Variants in INPP4B observed in about 807,000 individuals in gnomAD.
INPP4B encodes the protein inositol polyphosphate 4-phosphatase type II.
INPP4B carries 55 observed loss-of-function variants against 122.5 expected under a neutral mutation model. The observed-to-expected ratio is 0.45, with a 90% CI of 0.36 to 0.56. The LOEUF (loss-of-function observed/expected upper bound fraction) is 0.56. INPP4B is among the 20% of genes least tolerant of loss of function. The pLI, the probability that INPP4B is intolerant of heterozygous loss-of-function variation, is 0.00. For synonymous variants in INPP4B, 403 were observed against 388.7 expected (o/e 1.04, Z -0.43); for missense variants, 1,000 against 1,097.7 (o/e 0.91, Z 1.26).
rs754684710 is a variant in INPP4B at position 142,307,743 on chromosome 4, T to A, written c.424-2206A>T. Among the ~76,000 whole-genome samples the A allele has an allele frequency of 5.9e-5, 9 of 152,336 alleles. No individual in the cohort carries two copies. The South Asian group carries it at 1.9e-3, about 32-fold the overall frequency. Reference sequence around the variant, plus strand: ...TGATAATCATAGCTTTTAAATTAAATTCCCACTCATTATTCACACTCAAAG... The same window carrying A: ...TGATAATCATAGCTTTTAAATTAAAATCCCACTCATTATTCACACTCAAAG... On this transcript the variant is annotated intron_variant, in intron 8 of 25. Transcript: ENST00000262992.
intron 2 of INPP4B, among the ~76,000 whole-genome samples, chr4:142,649,663 GAAGAA>G (rs1054731046): frequency 6.6e-6 from 1 of 152,142 alleles, no homozygotes; most frequent in Non-Finnish European, 1.5e-5. Context: ...AAAGGTTAGA[GAAGAA>G]AAGAGTAAAA....
chr4:142,436,364 G>C (rs1401802372), intron 3 of INPP4B, among the ~76,000 whole-genome samples: 3 of 152,170 alleles, frequency 2.0e-5, no homozygotes, highest in African/African-American at 7.2e-5. Flanking sequence ...CAGAAGAGCA[G>C]GTTTCCCTCC....
At chr4:142,700,440 A>G (rs1185181098) in intron 2 of INPP4B, among the ~76,000 whole-genome samples, 1 of 152,124 alleles carries the variant, frequency 6.6e-6, no homozygotes, top group African/African-American at 2.4e-5. Context: ...CTTCAACTCA[A>G]TCTATAGGAA....
At chr4:142,618,265 T>C (rs546024983) in intron 2 of INPP4B, among the ~76,000 whole-genome samples, 1 of 152,052 alleles carries the variant, frequency 6.6e-6, no homozygotes, top group East Asian at 1.9e-4. Flanking sequence ...ACAAAAGACC[T>C]TGAATAGCCA....
At chr4:142,345,560 C>A (rs774504095) in intron 7 of INPP4B, among the ~76,000 whole-genome samples, 5 of 151,966 alleles carry the variant, frequency 3.3e-5, no homozygotes, top group Non-Finnish European at 7.4e-5. Context: ...GAATAGTACA[C>A]ATGGACACAA....
intron 9 of INPP4B, among the ~76,000 whole-genome samples, chr4:142,274,085 A>C (rs1253876201): frequency 6.6e-6 from 1 of 151,886 alleles, no homozygotes; most frequent in Non-Finnish European, 1.5e-5. Context: ...AAAATTCTTA[A>C]ATGCTAAATT....
At chr4:142,122,892 G>T (rs1223398413) in intron 20 of INPP4B, among the ~76,000 whole-genome samples, 1 of 151,692 alleles carries the variant, frequency 6.6e-6, no homozygotes, top group Non-Finnish European at 1.5e-5. Flanking sequence ...TTTGAAATCT[G>T]GTATGCATAT....
At chr4:142,658,537 T>C (rs1450294564) in intron 2 of INPP4B, among the ~76,000 whole-genome samples, 1 of 152,250 alleles carries the variant, frequency 6.6e-6, no homozygotes, top group Admixed American at 6.5e-5. Context: ...ATGGAGCATG[T>C]TTGTTTGTCT....
chr4:142,410,958 TA>T (rs1333115199), intron 5 of INPP4B, among the ~76,000 whole-genome samples: 1 of 152,232 alleles, frequency 6.6e-6, no homozygotes, highest in Non-Finnish European at 1.5e-5. Flanking sequence ...ATTTGTTAAA[TA>T]TATACCTGTG....
At chr4:142,580,093 C>A (rs1734747458) in intron 2 of INPP4B, among the ~76,000 whole-genome samples, 1 of 150,856 alleles carries the variant, frequency 6.6e-6, no homozygotes, top group Admixed American at 6.7e-5. Context: ...TGAAAATAGT[C>A]CAGCTCTTTT....
chr4:142,665,803 A>G (rs1755944418), intron 2 of INPP4B, among the ~76,000 whole-genome samples: 1 of 152,174 alleles, frequency 6.6e-6, no homozygotes, highest in African/African-American at 2.4e-5. Context: ...TCAATATATA[A>G]GTATGTGTGT....
intron 12 of INPP4B, among the ~76,000 whole-genome samples, chr4:142,229,282 T>C (rs1007186511): frequency 3.9e-5 from 6 of 152,096 alleles, no homozygotes; most frequent in Non-Finnish European, 8.8e-5. Flanking sequence ...GTGAAGGATG[T>C]CAGAATATAC....
At chr4:142,137,184 T>C (rs374438690) in intron 18 of INPP4B, among the ~76,000 whole-genome samples, 29 of 152,032 alleles carry the variant, frequency 1.9e-4, no homozygotes, top group East Asian at 1.6e-3. Flanking sequence ...TACCAAAACA[T>C]AGATATAGAT....
chr4:142,308,065 G>A lies in INPP4B; in HGVS notation c.424-2528C>T, dbSNP rs186189106. On this transcript the variant is annotated intron_variant, in intron 8 of 25. Transcript: ENST00000262992. ...CATTGAATGTTTCTCCTGTTCACCA[G>A]ACCAGGAGCTCCTGTGGAAGCAGAA... Among the ~76,000 whole-genome samples the A allele has an allele frequency of 3.0e-4, 45 of 152,248 alleles. 1 individual carries two copies. The highest frequency in any genetic ancestry group is 2.9e-3 in the Admixed American group (44 of 15,292).
intron 2 of INPP4B, among the ~76,000 whole-genome samples, chr4:142,555,010 G>T (rs913690625): frequency 6.6e-6 from 1 of 152,166 alleles, no homozygotes; most frequent in African/African-American, 2.4e-5. Context: ...GGGCCTGGGG[G>T]ATGGCAAGCG....
intron 12 of INPP4B, 139 bp downstream of exon 12, chr4:142,237,725 T>C: frequency 2.1e-6 from 1 of 480,616 alleles, no homozygotes; most frequent in Non-Finnish European, 3.7e-6. Context: ...GTAAGGCAAA[T>C]GTTAACTGGC....
At chr4:142,720,807 C>CTATATATATATATA (rs1462805409) in intron 2 of INPP4B, among the ~76,000 whole-genome samples, 2 of 13,736 alleles carry the variant, frequency 1.5e-4, no homozygotes, top group Non-Finnish European at 2.9e-4. Context: ...CTCTCTCTCT[C>CTATATATATATATA]TCTATATATA....
chr4:142,333,051 G>A (rs13132760), intron 7 of INPP4B, among the ~76,000 whole-genome samples: 34,128 of 144,546 alleles, frequency 0.24, 4,228 homozygotes, highest in African/African-American at 0.29. Context: ...TTCTAAAACC[G>A]CAGACATGCA....
intron 2 of INPP4B, among the ~76,000 whole-genome samples, chr4:142,677,820 C>G (rs1389939605): frequency 6.6e-6 from 1 of 151,884 alleles, no homozygotes; most frequent in Non-Finnish European, 1.5e-5. Flanking sequence ...GGGAGGGGAA[C>G]ATCATATACT....
Sources: allele counts gnomAD v4.1 joint callset (sites outside exome capture counted in the v4.1 genomes callset), GRCh38; gene constraint gnomAD v4.1.1; transcripts MANE v1.5; gene names NCBI Gene and HGNC (gene_info 2026-07-23, HGNC 2026-07-21).